The following CMYA5 variants were observed in gnomAD, a reference collection of about 807,000 sequenced individuals.
The protein encoded by CMYA5 is cardiomyopathy-associated protein 5.
CMYA5 carries 246 observed loss-of-function variants against 318.9 expected under a neutral mutation model. The observed-to-expected ratio is 0.77, with a 90% CI of 0.70 to 0.86. The LOEUF (loss-of-function observed/expected upper bound fraction) is 0.86. Ranked by LOEUF, CMYA5 falls within the 40% of genes least tolerant of loss-of-function variation. The pLI is 0.00. For missense variants in CMYA5, 4,589 were observed against 4,678.2 expected (o/e 0.98, Z 0.56); for synonymous variants, 1,641 against 1,729.5 (o/e 0.95, Z 1.27).
intron 9 of CMYA5, 151 bp from the exon 10 acceptor site, chr5:79,788,820 G>A (rs1352547470): frequency 2.8e-5 from 19 of 688,128 alleles, no homozygotes; most frequent in African/African-American, 3.6e-5. Context: ...CCATTTTGTA[G>A]GACCTGGCTT....
chr5:79,734,341 AGAATTTGCCTTTG>A lies in CMYA5; in HGVS notation c.5580_5592del (p.Leu1861AsnfsTer6). 6.2e-7 allele frequency: 1 copy of A among 1,613,894 alleles called. No homozygotes were observed. Among genetic ancestry groups the A allele is most frequent in the Non-Finnish European group, 8.5e-7 (1 of 1,179,806 alleles). ...ATTAAGCAGTTTTCACTTATGAGAG[AGAATTTGCCTTTG>A]GAACAATCAAAATCATTTATGACAA... is the stretch of plus-strand genomic sequence containing the variant. On this transcript the variant is annotated frameshift_variant, in exon 2 of 13. Transcript: ENST00000446378. LOFTEE classifies it high-confidence loss of function.
intron 2 of CMYA5, 25 bp from the exon 3 acceptor site, chr5:79,743,802 A>G: frequency 8.0e-7 from 1 of 1,255,888 alleles, no homozygotes; most frequent in East Asian, 2.5e-5. Flanking sequence ...TCATATACTA[A>G]GGATATCTTA....
chr5:79,765,604 G>T (rs1399919860), intron 9 of CMYA5, among the ~76,000 whole-genome samples: 1 of 152,084 alleles, frequency 6.6e-6, no homozygotes, highest in African/African-American at 2.4e-5. Flanking sequence ...CACAATATTG[G>T]TTCTTTCTAT....
intron 1 of CMYA5, among the ~76,000 whole-genome samples, chr5:79,697,019 ATG>A (rs1439122351): frequency 1.3e-5 from 2 of 152,112 alleles, no homozygotes; most frequent in Non-Finnish European, 2.9e-5. Context: ...AAAAAAAAAA[ATG>A]TATTTACTGT....
chr5:79,739,173 G>A lies in CMYA5; in HGVS notation c.10408G>A (p.Ala3470Thr). The A allele has an allele frequency of 1.9e-6, 3 of 1,613,556 alleles. No homozygotes were observed. The highest frequency in any genetic ancestry group is 2.2e-5 in the South Asian group (2 of 91,008). ...HISENEFASE[A>T]EQSTPAEQKE... is the part of the protein sequence containing the mutation. Reference sequence around the variant, plus strand: ...CAGTGAAAATGAATTTGCGAGTGAGGCAGAACAAAGTACACCTGCTGAACA... The same window carrying A: ...CAGTGAAAATGAATTTGCGAGTGAGACAGAACAAAGTACACCTGCTGAACA... The change falls in exon 2 of 13, where the codon GCA (alanine) becomes ACA (threonine). Residue 3470 changes from alanine (A) to threonine (T), a missense_variant. By Grantham distance (58) the Ala-to-Thr change is moderately conservative. This residue lies in a region of CMYA5 where 2,431 missense variants were observed against 2,495.1 expected (regional missense o/e 0.97). Coordinates refer to ENST00000446378, the MANE Select transcript of CMYA5 (RefSeq NM_153610.5).
At chr5:79,710,840 T>C (rs865862233) in intron 1 of CMYA5, among the ~76,000 whole-genome samples, 2 of 152,156 alleles carry the variant, frequency 1.3e-5, no homozygotes, top group African/African-American at 2.4e-5. Context: ...TGCACATCAT[T>C]TTTAGTGGGT....
intron 12 of CMYA5, among the ~76,000 whole-genome samples, chr5:79,797,135 C>T (rs1398526840): frequency 6.6e-6 from 1 of 152,216 alleles, no homozygotes; most frequent in Non-Finnish European, 1.5e-5. Context: ...ATTCCCAACT[C>T]TTTGGTTTGC....
In CMYA5 at chr5:79,743,928, T is replaced by C. The variant is rs1263807953; in HGVS notation, c.10734+6T>C. 7.1e-7 allele frequency: 1 copy of C among 1,413,770 alleles called. No individual in the cohort carries two copies. 87.6% of individuals were successfully genotyped at this position (1,413,770 alleles called of 1,614,324 possible). A position where few individuals can be genotyped will look rare whatever the true frequency, so the allele number is the denominator to read the frequency against. On this transcript the variant is annotated splice_donor_region_variant and intron_variant, in intron 3 of 12. Transcript: ENST00000446378. ...CCTTTTTTAATACCATTGAGGTAAG[T>C]TAACACACCCATTTTACCTTAACCT...
At chr5:79,724,513 C>T (rs1032253990) in intron 1 of CMYA5, among the ~76,000 whole-genome samples, 1 of 152,282 alleles carries the variant, frequency 6.6e-6, no homozygotes, top group Non-Finnish European at 1.5e-5. Context: ...TCTTGCTCAA[C>T]GCTGAAAGTG....
rs1308322967 is a variant in CMYA5, at chr5:79,733,244, C to G, written c.4479C>G (p.Asp1493Glu). 6.2e-7 allele frequency: 1 copy of G among 1,613,684 alleles called. No homozygotes were observed. Among genetic ancestry groups the G allele is most frequent in the Non-Finnish European group, 8.5e-7 (1 of 1,179,822 alleles). Residue 1493 changes from aspartate (D) to glutamate (E), a missense_variant, in exon 2 of 13, where the codon GAC (aspartate) becomes GAG (glutamate). By Grantham distance (45) the Asp-to-Glu change is conservative. This residue lies in a region of CMYA5 where 2,132 missense variants were observed against 2,131.3 expected (regional missense o/e 1.00). Transcript: ENST00000446378. ...AATCTGAGGAAGCAAGGGTAGAAGACAAACAAGATCTTTTATTTTCTACAG... is the reference window on the plus strand; with the variant it reads ...AATCTGAGGAAGCAAGGGTAGAAGAGAAACAAGATCTTTTATTTTCTACAG... Reference protein sequence around the residue: ...SDKSEEARVEDKQDLLFSTVC... With the variant: ...SDKSEEARVEEKQDLLFSTVC...
Position 79,790,877 on chromosome 5 carries a change from GAA to G in CMYA5, c.11690-91_11690-90del. On this transcript the variant is annotated intron_variant, in intron 10 of 12. Coordinates refer to ENST00000446378, the MANE Select transcript of CMYA5 (RefSeq NM_153610.5). ...TTCGTGGGGGATTTTGACGTCAGGG[GAA>G]AGAGTCTAGGGTCTGAAATGTGGGG... is the stretch of plus-strand genomic sequence containing the variant. The G allele has an allele frequency of 3.8e-6, 3 of 780,492 alleles. No homozygotes were observed. The East Asian group carries it at 8.1e-5, about 21-fold the overall frequency. 48.3% of individuals were successfully genotyped at this position (780,492 alleles called of 1,614,324 possible).
At chr5:79,719,337 T>C in intron 1 of CMYA5, among the ~76,000 whole-genome samples, 1 of 152,178 alleles carries the variant, frequency 6.6e-6, no homozygotes, top group Admixed American at 6.5e-5. Context: ...TTCAATAAGT[T>C]ACTGGTTTCT....
At chr5:79,693,092 T>G (rs1478926700) in intron 1 of CMYA5, among the ~76,000 whole-genome samples, 1 of 152,216 alleles carries the variant, frequency 6.6e-6, no homozygotes, top group Non-Finnish European at 1.5e-5. Flanking sequence ...CTGGAAGGGT[T>G]GGAGAAGCCT....
intron 5 of CMYA5, among the ~76,000 whole-genome samples, chr5:79,750,513 T>C (rs775823420): frequency 2.3e-4 from 32 of 137,846 alleles, no homozygotes; most frequent in African/African-American, 8.1e-4. Context: ...CCCATCTTGC[T>C]CAAGAGTCAG....
At chr5:79,753,260 A>G (rs185093744) in intron 6 of CMYA5, among the ~76,000 whole-genome samples, 4 of 152,262 alleles carry the variant, frequency 2.6e-5, no homozygotes, top group African/African-American at 4.8e-5. Flanking sequence ...TTAGAGAACT[A>G]TCAGCTCAGC....
chr5:79,708,758 C>A (rs1827323055), intron 1 of CMYA5, among the ~76,000 whole-genome samples: 1 of 151,098 alleles, frequency 6.6e-6, no homozygotes, highest in East Asian at 2.0e-4. Context: ...CATGGTAAAA[C>A]CCTGTCTCTA....
Position 79,689,922 on chromosome 5 carries a change from T to C in CMYA5, c.15T>C (p.Asp5=), listed in dbSNP as rs1826918000. Residue 5 remains aspartate, a synonymous_variant, in exon 1 of 13, where the codon GAT becomes GAC. Transcript: ENST00000446378. MASR[D]SNHAGESFLG... ...CGGGAGAGGCGATGGCGAGCCGCGA[T>C]AGCAACCACGCTGGCGAGAGCTTTC... 2 of 904,466 alleles carry C rather than the reference T, an allele frequency of 2.2e-6. No homozygotes were observed. Among genetic ancestry groups the C allele is most frequent in the Non-Finnish European group, 1.8e-6 (1 of 563,750 alleles). 56.0% of individuals were successfully genotyped at this position (904,466 alleles called of 1,614,324 possible).
At chr5:79,774,148 C>G (rs969529125) in intron 9 of CMYA5, among the ~76,000 whole-genome samples, 1 of 152,156 alleles carries the variant, frequency 6.6e-6, no homozygotes, top group Admixed American at 6.5e-5. Flanking sequence ...CTACTGTGCC[C>G]CCAAGTTACA....
chr5:79,770,132 T>C (rs1324254223), intron 9 of CMYA5, among the ~76,000 whole-genome samples: 1 of 152,164 alleles, frequency 6.6e-6, no homozygotes, highest in Non-Finnish European at 1.5e-5. Context: ...CAAGCCTCAG[T>C]AATGGCGGAC....
Sources: gnomAD v4.1 joint callset for allele counts (sites outside exome capture counted in the v4.1 genomes callset) on GRCh38, gnomAD v4.1.1 for gene constraint, gnomAD v4.1.1 regional missense constraint, MANE v1.5 for transcripts, NCBI Gene and HGNC (gene_info 2026-07-23, HGNC 2026-07-21) for gene names.